HRH2: variants seen among roughly 807,000 people sequenced by gnomAD.
The protein encoded by HRH2 is histamine receptor H2.
HRH2 carries 4 observed loss-of-function variants against 20.1 expected under a neutral mutation model. The observed-to-expected ratio is 0.20, with a 90% CI of 0.10 to 0.45. HRH2 has a LOEUF of 0.45. HRH2 is among the 20% of genes least tolerant of loss of function. The pLI, the probability that HRH2 is intolerant of heterozygous loss-of-function variation, is 0.99. For missense variants in HRH2, 250 were observed against 461.6 expected, an observed-to-expected ratio of 0.54 and a Z score of 4.20; for synonymous variants, 197 against 200.7, an observed-to-expected ratio of 0.98 and a Z score of 0.16.
At chr5:175,665,243 G>A (rs11957436) in intron 1 of HRH2, among the ~76,000 whole-genome samples, 3 of 152,132 alleles carry the variant, frequency 2.0e-5, no homozygotes, top group Non-Finnish European at 4.4e-5. Flanking sequence ...GCCTCCCGGG[G>A]TTCCTGCTAC....
rs771031564 is a variant in HRH2 at position 175,684,127 on chromosome 5, G to C, written c.894G>C (p.Gly298=). The C allele has an allele frequency of 1.2e-6, 2 of 1,614,146 alleles. No homozygotes were observed. The highest frequency in any genetic ancestry group is 8.5e-7 in the Non-Finnish European group (1 of 1,180,028). The change falls in exon 2 of 3, where the codon GGG becomes GGC. Residue 298 remains glycine, a synonymous_variant. Coordinates refer to ENST00000636584, the MANE Select transcript of HRH2 (RefSeq NM_001367711.1). ...YAALNRDFRT[G]YQQLFCCRLA... ...CGCTGAACAGAGACTTCCGCACCGGGTACCAACAGCTCTTCTGCTGCAGGC... is the reference window on the plus strand; with the variant it reads ...CGCTGAACAGAGACTTCCGCACCGGCTACCAACAGCTCTTCTGCTGCAGGC...
rs185489234 is a variant in HRH2 at position 175,660,754 on chromosome 5, A to G, written c.-526+2599A>G. Among the ~76,000 whole-genome samples, 522 of 152,290 alleles carry G rather than the reference A, an allele frequency of 3.4e-3. 3 individuals carry two copies. Among genetic ancestry groups the G allele is most frequent in the Middle Eastern group, 0.01 (3 of 294 alleles). ...GAGTGTGCCCTGTCTCAGGCCTACA[A>G]TATAGACTGAATTGCCTCTAAAAGG... On this transcript the variant is annotated intron_variant, in intron 1 of 2. Transcript: ENST00000636584.
At chr5:175,673,181 G>T (rs902692664) in intron 1 of HRH2, among the ~76,000 whole-genome samples, 8 of 152,270 alleles carry the variant, frequency 5.3e-5, no homozygotes, top group African/African-American at 1.7e-4. Flanking sequence ...GCAAGAGAGG[G>T]TGATGGCTCG....
intron 1 of HRH2, among the ~76,000 whole-genome samples, chr5:175,676,863 C>T (rs556797979): frequency 6.6e-6 from 1 of 152,226 alleles, no homozygotes; most frequent in Non-Finnish European, 1.5e-5. Context: ...ATTATTTTAA[C>T]TAAAACAAGG....
At chr5:175,688,287 C>T (rs779115767) in intron 2 of HRH2, among the ~76,000 whole-genome samples, 2 of 152,198 alleles carry the variant, frequency 1.3e-5, no homozygotes, top group Non-Finnish European at 2.9e-5. Flanking sequence ...GATGTGGACA[C>T]ATTTGGGGGC....
intron 2 of HRH2, among the ~76,000 whole-genome samples, chr5:175,690,721 A>G (rs983950340): frequency 6.6e-6 from 1 of 151,898 alleles, no homozygotes; most frequent in African/African-American, 2.4e-5. Context: ...TCGCCCCCCA[A>G]AAGAAACCCT....
chr5:175,677,759 G>C lies in HRH2; in HGVS notation c.-525-4950G>C, dbSNP rs556499943. On this transcript the variant is annotated intron_variant, in intron 1 of 2. Coordinates refer to ENST00000636584, the MANE Select transcript of HRH2 (RefSeq NM_001367711.1). The surrounding 1 kb of genome is among the most constrained non-coding windows in gnomAD (Gnocchi z 4.2). ...AGCTCATGAGAATGAGGAACTGGGC[G>C]GTGCCGGGCAGCCACCTGCTCCGGC... Among the ~76,000 whole-genome samples the C allele has an allele frequency of 3.3e-5, 5 of 152,304 alleles. No homozygotes were observed. The highest frequency in any genetic ancestry group is 9.6e-5 in the African/African-American group (4 of 41,558).
At chr5:175,703,060 T>G (rs1490309565) in intron 2 of HRH2, among the ~76,000 whole-genome samples, 1 of 152,146 alleles carries the variant, frequency 6.6e-6, no homozygotes, top group Non-Finnish European at 1.5e-5. Context: ...CTATCAAAAT[T>G]TAAAGACTAA....
At chr5:175,694,232 C>T (rs1156521342) in intron 2 of HRH2, among the ~76,000 whole-genome samples, 1 of 152,160 alleles carries the variant, frequency 6.6e-6, no homozygotes, top group Non-Finnish European at 1.5e-5. Flanking sequence ...GATGGAAAAA[C>T]TTAAATTTTC....
intron 2 of HRH2, among the ~76,000 whole-genome samples, chr5:175,703,102 A>C (rs1473148315): frequency 6.6e-6 from 1 of 152,212 alleles, no homozygotes; most frequent in East Asian, 1.9e-4. Flanking sequence ...AATATTTGGG[A>C]AACACAAAGC....
intron 1 of HRH2, among the ~76,000 whole-genome samples, chr5:175,662,557 T>G (rs1263467363): frequency 6.6e-6 from 1 of 152,196 alleles, no homozygotes; most frequent in Admixed American, 6.5e-5. Flanking sequence ...CACTGGTCCT[T>G]TGAGCCTGAG....
rs1561728081 is a variant in HRH2 at position 175,681,213 on chromosome 5, TAA to T, written c.-525-1492_-525-1491del. 6.6e-6 allele frequency among the ~76,000 whole-genome samples: 1 copy of T among 152,260 alleles called. No homozygotes were observed. Among genetic ancestry groups the T allele is most frequent in the East Asian group, 1.9e-4 (1 of 5,182 alleles). On this transcript the variant is annotated intron_variant, in intron 1 of 2. Transcript: ENST00000636584. This position sits in a 1 kb window ranked among gnomAD's most constrained non-coding sequence, Gnocchi z 4.3. ...CTATTTATGTAATGAAAAGCTCTGC[TAA>T]AAATAGTACCCGGAGGTTCAGCTGC...
At chr5:175,704,022 G>A (rs753347185) in intron 2 of HRH2, 6 of 152,020 alleles carry the variant, frequency 3.9e-5, no homozygotes, top group Non-Finnish European at 8.8e-5. Context: ...TACATAATAT[G>A]AATAAAACAC....
At position 175,707,774 on chromosome 5, in the gene HRH2, C is replaced by T. The variant is rs1756990531; in HGVS notation, c.1077-5C>T. The T allele has an allele frequency of 2.5e-6, 1 of 398,872 alleles. No homozygotes were observed. The highest frequency in any genetic ancestry group is 4.4e-6 in the Non-Finnish European group (1 of 226,072). 24.7% of individuals were successfully genotyped at this position (398,872 alleles called of 1,614,324 possible). A position where few individuals can be genotyped will look rare whatever the true frequency, so the allele number is the denominator to read the frequency against. On this transcript the variant is annotated splice_region_variant and splice_polypyrimidine_tract_variant and intron_variant, in intron 2 of 2. Transcript: ENST00000636584. ...TCAGCCTGGCATGTGCTTGTGTCTC[C>T]TCAGGAAGCCAGCACTGTCCTGCAC...
chr5:175,665,607 C>T (rs1385256898), intron 1 of HRH2, among the ~76,000 whole-genome samples: 1 of 152,132 alleles, frequency 6.6e-6, no homozygotes, highest in Non-Finnish European at 1.5e-5. Flanking sequence ...CTGAGAAAGC[C>T]CATTGCTAGA....
rs1261033568 is a variant in HRH2 at position 175,673,709 on chromosome 5, G to GT, written c.-525-8986dup. On this transcript the variant is annotated intron_variant, in intron 1 of 2. Transcript: ENST00000636584. ...AATTTCACCTCAGTTTTTTTTTTTT[G>GT]TTTTTTTTTTTTTTGACGGAGTCTC... Among the ~76,000 whole-genome samples the GT allele has an allele frequency of 8.7e-3, 1,159 of 132,848 alleles. 9 individuals are homozygous for GT. The highest frequency in any genetic ancestry group is 0.013 in the Non-Finnish European group (810 of 61,038). 87.2% of individuals were successfully genotyped at this position (132,848 alleles called of 152,430 possible). A position where few individuals can be genotyped will look rare whatever the true frequency, so the allele number is the denominator to read the frequency against.
intron 1 of HRH2, among the ~76,000 whole-genome samples, chr5:175,660,094 C>G (rs914734628): frequency 3.9e-5 from 6 of 152,128 alleles, no homozygotes; most frequent in Non-Finnish European, 7.3e-5. Flanking sequence ...GCGATGCGTC[C>G]GTGGGAAAAA....
intron 1 of HRH2, among the ~76,000 whole-genome samples, chr5:175,664,020 A>G (rs1762816563): frequency 6.6e-6 from 1 of 152,168 alleles, no homozygotes; most frequent in Non-Finnish European, 1.5e-5. Flanking sequence ...TTGCTGTGAG[A>G]GAAGTGTGGC....
rs1757052223 is a variant in HRH2, at chr5:175,710,171, TCTC to T, written c.*2207_*2209del. 2.0e-5 allele frequency: 3 copies of T among 152,626 alleles called. No individual in the cohort carries two copies. Among genetic ancestry groups the T allele is most frequent in the Admixed American group, 2.0e-4 (3 of 15,302 alleles). 9.5% of individuals were successfully genotyped at this position (152,626 alleles called of 1,614,324 possible). A position where few individuals can be genotyped will look rare whatever the true frequency, so the allele number is the denominator to read the frequency against. The stretch of plus-strand genomic sequence containing the variant: ...CGTGATTCCTTGAACGTTGTCTGTC[TCTC>T]CTCCTCACCAGGCTGTGGGTCCTGT... On this transcript the variant is annotated 3_prime_UTR_variant, in exon 3 of 3. Coordinates refer to ENST00000636584, the MANE Select transcript of HRH2 (RefSeq NM_001367711.1).
Sources: gnomAD v4.1 joint callset for allele counts (sites outside exome capture counted in the v4.1 genomes callset) on GRCh38, gnomAD v4.1.1 for gene constraint, Gnocchi (gnomAD v3.1) non-coding constraint, MANE v1.5 for transcripts, NCBI Gene and HGNC (gene_info 2026-07-23, HGNC 2026-07-21) for gene names.